Variants in RFPL1 observed in about 807,000 individuals in gnomAD.
RFPL1 encodes ret finger protein like 1.
Under a neutral mutation model 9.6 loss-of-function variants are expected in RFPL1, and 6 were observed. The ratio of observed to expected loss-of-function variants is 0.62; its 90% CI spans 0.34 to 1.23. The LOEUF (loss-of-function observed/expected upper bound fraction) is 1.23. Ranked by LOEUF, RFPL1 falls within the 50% of genes most tolerant of loss-of-function variation. The pLI, the probability that RFPL1 is intolerant of heterozygous loss-of-function variation, is 0.03. For missense variants in RFPL1, 352 were observed against 398.4 expected (o/e 0.88, Z 0.99); for synonymous variants, 145 against 149.4 (o/e 0.97, Z 0.22).
At chr22:29,417,221 A>AG in the RFPL1 span, among the ~76,000 whole-genome samples, 7 of 151,998 alleles carry the variant, frequency 4.6e-5, no homozygotes, top group South Asian at 1.5e-3. Flanking sequence ...TTGAGATGGA[A>AG]GAACAAAGAT....
At chr22:29,406,102 C>T in the RFPL1 span, among the ~76,000 whole-genome samples, 1 of 91,914 alleles carries the variant, frequency 1.1e-5, no homozygotes, top group Non-Finnish European at 2.0e-5. Context: ...GGGGACAGAG[C>T]GAGACTCCTT....
the RFPL1 span, among the ~76,000 whole-genome samples, chr22:29,397,958 C>A: frequency 6.6e-6 from 1 of 152,126 alleles, no homozygotes; most frequent in East Asian, 1.9e-4. Context: ...TGGGAAGAAT[C>A]CATGGAAGGG....
the RFPL1 span, among the ~76,000 whole-genome samples, chr22:29,401,405 A>C: frequency 1.7e-3 from 257 of 152,380 alleles, 2 homozygotes; most frequent in South Asian, 2.3e-3. Context: ...ATTTTCAACC[A>C]GACGGTTCCA....
exon 2 of RFPL1, chr22:29,441,887 G>T (rs759032513): frequency 8.1e-6 from 13 of 1,612,828 alleles, no homozygotes; most frequent in Admixed American, 3.3e-5. Flanking sequence ...TTCGTAGACC[G>T]CAAGTTACAG....
chr22:29,424,833 A>ACCCCCCCC, the RFPL1 span, among the ~76,000 whole-genome samples: 1 of 39,220 alleles, frequency 2.5e-5, no homozygotes, highest in African/African-American at 1.1e-4. Flanking sequence ...TGTCCCTCCC[A>ACCCCCCCC]CCCCCCCCCC....
chr22:29,415,980 G>T, the RFPL1 span, among the ~76,000 whole-genome samples: 7 of 152,222 alleles, frequency 4.6e-5, no homozygotes, highest in Admixed American at 4.6e-4. Context: ...CCTTCCCGTG[G>T]CTGCTGAGAC....
the RFPL1 span, among the ~76,000 whole-genome samples, chr22:29,432,092 C>T: frequency 6.6e-6 from 1 of 152,196 alleles, no homozygotes; most frequent in Non-Finnish European, 1.5e-5. Context: ...CTTACATTAA[C>T]TTGATTGACT....
the RFPL1 span, among the ~76,000 whole-genome samples, chr22:29,426,856 A>G: frequency 6.6e-6 from 1 of 152,188 alleles, no homozygotes; most frequent in Non-Finnish European, 1.5e-5. Flanking sequence ...AAGGCAGTAA[A>G]GAGAGGGCTT....
At chr22:29,418,648 T>C in the RFPL1 span, among the ~76,000 whole-genome samples, 151,220 of 151,944 alleles carry the variant, frequency 1, 75,256 homozygotes, top group East Asian at 1. Context: ...TACAGGCATG[T>C]GCCACCATGC....
At chr22:29,437,718 T>G, upstream of RFPL1, 2 of 1,588,048 alleles carry the variant, frequency 1.3e-6, no homozygotes, top group East Asian at 2.3e-5. Flanking sequence ...CAGAGGAGCT[T>G]CCAGCAGAAG....
chr22:29,418,494 TTC>T, the RFPL1 span, among the ~76,000 whole-genome samples: 1 of 148,940 alleles, frequency 6.7e-6, no homozygotes, highest in Non-Finnish European at 1.5e-5. Context: ...CTTCTTCGTC[TTC>T]TTTTTTTTTT....
chr22:29,428,172 G>A, the RFPL1 span, among the ~76,000 whole-genome samples: 2 of 152,268 alleles, frequency 1.3e-5, no homozygotes, highest in East Asian at 3.9e-4. Context: ...CATTGCTAAT[G>A]TTGAAAAACG....
the RFPL1 span, among the ~76,000 whole-genome samples, chr22:29,424,078 G>T: frequency 6.6e-6 from 1 of 152,036 alleles, no homozygotes; most frequent in Non-Finnish European, 1.5e-5. Flanking sequence ...TACTCAGGAG[G>T]CTGAGGCGGA....
chr22:29,417,016 G>A, the RFPL1 span, among the ~76,000 whole-genome samples: 2 of 152,066 alleles, frequency 1.3e-5, no homozygotes, highest in African/African-American at 4.8e-5. Flanking sequence ...TTACAGTCAA[G>A]GACGTGTCAA....
chr22:29,399,488 A>T, the RFPL1 span, among the ~76,000 whole-genome samples: 37 of 152,324 alleles, frequency 2.4e-4, no homozygotes, highest in African/African-American at 8.4e-4. Flanking sequence ...AGCCAATATT[A>T]TTATTGACAT....
intron 1 of RFPL1, chr22:29,439,458 C>A (rs966081137): frequency 2.7e-5 from 10 of 370,606 alleles, no homozygotes; most frequent in Non-Finnish European, 2.9e-5. Flanking sequence ...ACGGTGAAAC[C>A]CTGTCTCTAC....
chr22:29,397,110 C>T, the RFPL1 span, among the ~76,000 whole-genome samples: 22 of 145,588 alleles, frequency 1.5e-4, no homozygotes, highest in Admixed American at 1.3e-3. Flanking sequence ...GGTGTTTCAC[C>T]GTGTTAGCCA....
At chr22:29,400,308 C>G in the RFPL1 span, among the ~76,000 whole-genome samples, 1 of 152,118 alleles carries the variant, frequency 6.6e-6, no homozygotes, top group Non-Finnish European at 1.5e-5. Flanking sequence ...TCAAGCTTTT[C>G]TAAAGTGTAG....
chr22:29,424,940 C>G, the RFPL1 span, among the ~76,000 whole-genome samples: 1 of 150,884 alleles, frequency 6.6e-6, no homozygotes, highest in African/African-American at 2.4e-5. Context: ...CGCGGTGGCT[C>G]ACGCCTGTAA....
Sources: allele counts gnomAD v4.1 joint callset (sites outside exome capture counted in the v4.1 genomes callset), GRCh38; gene constraint gnomAD v4.1.1; transcripts MANE v1.5; gene names NCBI Gene and HGNC (gene_info 2026-07-23, HGNC 2026-07-21).